Variants in HTT observed in about 807,000 individuals in gnomAD.
The protein encoded by HTT is huntingtin.
A neutral mutation model predicts 362.3 loss-of-function variants in HTT; 104 were observed. That is an observed-to-expected ratio of 0.29 (90% confidence interval 0.24 to 0.34). HTT has a LOEUF of 0.34. Ranked by LOEUF, HTT falls within the 10% of genes least tolerant of loss-of-function variation. The pLI, the probability that HTT is intolerant of heterozygous loss-of-function variation, is 1.00. For missense variants in HTT, 3,301 were observed against 3,928.6 expected (o/e 0.84, Z 4.27); for synonymous variants, 1,577 against 1,548.7 (o/e 1.02, Z -0.43).
At position 3,217,972 on chromosome 4, in the gene HTT, G is replaced by A. The variant is rs777623038; in HGVS notation, c.7242+20G>A. On this transcript the variant is annotated intron_variant, in intron 52 of 66. Coordinates refer to ENST00000355072, the MANE Select transcript of HTT (RefSeq NM_001388492.1). ...CCACTGGTGAGTCTGCTCGTTCCTT[G>A]CAGAAGACCAAGTACGGTGAAAGGC... The A allele has an allele frequency of 6.3e-7, 1 of 1,587,072 alleles. No homozygotes were observed.
intron 52 of HTT, among the ~76,000 whole-genome samples, chr4:3,219,135 C>T (rs1392524155): frequency 1.3e-5 from 2 of 152,160 alleles, no homozygotes; most frequent in Non-Finnish European, 2.9e-5. Flanking sequence ...TGTAGGCTTT[C>T]CTGGGAAGAG....
rs765743424 is a variant in HTT at position 3,157,056 on chromosome 4, G to T, written c.3626-16G>T. On this transcript the variant is annotated splice_polypyrimidine_tract_variant and intron_variant, in intron 27 of 66. Coordinates refer to ENST00000355072, the MANE Select transcript of HTT (RefSeq NM_001388492.1). ...TTTGATCTAAAAGTTTATCTTTTGTGTGCATATTTTTAAAGCTTCTAGACA... is the reference window on the plus strand; with the variant it reads ...TTTGATCTAAAAGTTTATCTTTTGTTTGCATATTTTTAAAGCTTCTAGACA... 7 of 1,576,690 alleles carry T rather than the reference G, an allele frequency of 4.4e-6. No individual in the cohort carries two copies. The highest frequency in any genetic ancestry group is 2.4e-5 in the South Asian group (2 of 84,580).
At chr4:3,199,012 A>T (rs1192929715) in intron 40 of HTT, among the ~76,000 whole-genome samples, 2 of 152,196 alleles carry the variant, frequency 1.3e-5, no homozygotes, top group Non-Finnish European at 2.9e-5. Context: ...TGAGTTTGGC[A>T]GGTGCCGAGT....
intron 28 of HTT, among the ~76,000 whole-genome samples, chr4:3,159,509 T>G (rs2110217078): frequency 6.6e-6 from 1 of 152,358 alleles, no homozygotes; most frequent in South Asian, 2.1e-4. Flanking sequence ...TTTTCTTTCC[T>G]TTGGCTGGCC....
At chr4:3,182,745 G>A (rs933114121) in intron 37 of HTT, among the ~76,000 whole-genome samples, 2 of 152,152 alleles carry the variant, frequency 1.3e-5, no homozygotes, top group African/African-American at 2.4e-5. Flanking sequence ...GGGTGAGGGC[G>A]GGCCAAGGCT....
At chr4:3,187,339 T>C (rs1464915056) in intron 38 of HTT, among the ~76,000 whole-genome samples, 1 of 152,066 alleles carries the variant, frequency 6.6e-6, no homozygotes, top group East Asian at 1.9e-4. Context: ...GTATTTTTAG[T>C]AGAGACGGGG....
Position 3,238,807 on chromosome 4 carries a change from G to A in HTT, c.9055-11G>A. ...AGCCCTGACACTCAGGCACCTGCTT[G>A]CTCCTTGCAGGTGTTTCAGACTCTG... is the stretch of plus-strand genomic sequence containing the variant. On this transcript the variant is annotated splice_polypyrimidine_tract_variant and intron_variant, in intron 65 of 66. Transcript: ENST00000355072. The A allele has an allele frequency of 6.3e-7, 1 of 1,579,902 alleles. No homozygotes were observed. Among genetic ancestry groups the A allele is most frequent in the Non-Finnish European group, 8.6e-7 (1 of 1,159,872 alleles).
Position 3,212,766 on chromosome 4 carries a change from C to T in HTT, c.6774+57C>T, listed in dbSNP as rs560358693. 8.2e-6 allele frequency: 13 copies of T among 1,579,400 alleles called. No homozygotes were observed. In the South Asian group the frequency reaches 1.4e-4, roughly 18 times the overall value. On this transcript the variant is annotated intron_variant, in intron 49 of 66. Transcript: ENST00000355072. ...GTGGGGAGGGGGCATGGGGCTGACA[C>T]TGAAGAGGGTAAAGCAGTTTTATTT...
chr4:3,083,282 A>G (rs750779811), intron 1 of HTT, among the ~76,000 whole-genome samples: 1 of 152,080 alleles, frequency 6.6e-6, no homozygotes, highest in Non-Finnish European at 1.5e-5. Flanking sequence ...GTAGTTTGAG[A>G]CGGTGTGGTG....
In HTT at chr4:3,235,793, G is replaced by A. The variant is rs141307753; in HGVS notation, c.8785+15G>A. 141 of 1,592,190 alleles carry A rather than the reference G, an allele frequency of 8.9e-5. No individual in the cohort carries two copies. The East Asian group carries it at 1.7e-3, about 20-fold the overall frequency. Reference sequence around the variant, plus strand: ...CATGTACACAGGTGAGCATGTACACGGTGCCCATAAGGCCAGCCCAAGTCC... The same window carrying A: ...CATGTACACAGGTGAGCATGTACACAGTGCCCATAAGGCCAGCCCAAGTCC... On this transcript the variant is annotated intron_variant, in intron 63 of 66. Transcript: ENST00000355072.
chr4:3,149,405 C>A (rs1251069183), intron 26 of HTT, among the ~76,000 whole-genome samples: 2 of 148,370 alleles, frequency 1.3e-5, no homozygotes, highest in Non-Finnish European at 3.0e-5. Context: ...TCAAACGATT[C>A]TTCTGCCTCA....
At chr4:3,139,102 T>G (rs1305002017) in intron 21 of HTT, among the ~76,000 whole-genome samples, 1 of 152,264 alleles carries the variant, frequency 6.6e-6, no homozygotes, top group Non-Finnish European at 1.5e-5. Flanking sequence ...TGATTACTTG[T>G]GAGACACTCC....
intron 59 of HTT, among the ~76,000 whole-genome samples, chr4:3,229,441 A>C (rs1032053567): frequency 1.9e-4 from 28 of 145,378 alleles, no homozygotes; most frequent in Non-Finnish European, 4.0e-4. Flanking sequence ...ACACACATGC[A>C]CCACACACAT....
At chr4:3,130,152 G>C (rs1376383986) in intron 13 of HTT, 105 bp downstream of exon 13, 1 of 1,271,326 alleles carries the variant, frequency 7.9e-7, no homozygotes, top group Non-Finnish European at 1.1e-6. Flanking sequence ...ACTGTTTTCT[G>C]AGTTCTGAAT....
At chr4:3,232,724 C>A (rs1721316253) in intron 60 of HTT, among the ~76,000 whole-genome samples, 1 of 152,270 alleles carries the variant, frequency 6.6e-6, no homozygotes, top group African/African-American at 2.4e-5. Context: ...AGAATCCTCT[C>A]CCAGCGGGGT....
Position 3,212,591 on chromosome 4 carries a change from C to T in HTT, c.6656C>T (p.Pro2219Leu), listed in dbSNP as rs779434937. ...GATGCTGCACTGTATCAGTCCCTGC[C>T]CACTCTGGCCCGGGCCCTGGCACAG... ...FGDAALYQSL[P>L]TLARALAQYL... Residue 2219 changes from proline (P) to leucine (L), a missense_variant, in exon 49 of 67, where the codon CCC becomes CTC. By Grantham distance (98) the Pro-to-Leu change is moderately conservative (BLOSUM62 -3). This residue lies in a region of HTT where 220 missense variants were observed against 218.5 expected (regional missense o/e 1.01). Transcript: ENST00000355072. 1.2e-6 allele frequency: 2 copies of T among 1,614,242 alleles called. No homozygotes were observed. Among genetic ancestry groups the T allele is most frequent in the South Asian group, 2.2e-5 (2 of 91,086 alleles).
rs763860264 is a variant in HTT, at chr4:3,235,418, C to CG, written c.8571+20_8571+21insG. 8 of 1,546,054 alleles carry CG rather than the reference C, an allele frequency of 5.2e-6. No homozygotes were observed. In the African/African-American group the frequency reaches 5.4e-5, roughly 11 times the overall value. On this transcript the variant is annotated intron_variant, in intron 62 of 66. Transcript: ENST00000355072. Reference sequence around the variant, plus strand: ...ATACAGGTGAGTGGGCCCTGGCTGTCTTCCTCTGCACACGGGGAGTGGGCT... The same window carrying CG: ...ATACAGGTGAGTGGGCCCTGGCTGTCGTTCCTCTGCACACGGGGAGTGGGCT...
At chr4:3,203,849 C>T (rs1480329289) in intron 41 of HTT, among the ~76,000 whole-genome samples, 158 bp from the exon 42 acceptor site, 1 of 152,170 alleles carries the variant, frequency 6.6e-6, no homozygotes, top group Admixed American at 6.5e-5. Flanking sequence ...GAATAGATAA[C>T]TGAGAGTATA....
At chr4:3,085,740 A>G (rs1713172876) in intron 1 of HTT, among the ~76,000 whole-genome samples, 1 of 152,210 alleles carries the variant, frequency 6.6e-6, no homozygotes, top group South Asian at 2.1e-4. Context: ...TTGGTAATAC[A>G]ATTTTCTCAG....
Sources: gnomAD v4.1 joint callset for allele counts (sites outside exome capture counted in the v4.1 genomes callset) on GRCh38, gnomAD v4.1.1 for gene constraint, gnomAD v4.1.1 regional missense constraint, MANE v1.5 for transcripts, NCBI Gene and HGNC (gene_info 2026-07-23, HGNC 2026-07-21) for gene names.